ANKRD28: variants seen among roughly 807,000 people sequenced by gnomAD.
ANKRD28 encodes the protein ankyrin repeat domain 28.
Under a neutral mutation model 126.5 loss-of-function variants are expected in ANKRD28, and 44 were observed. The observed-to-expected ratio is 0.35, with a 90% confidence interval of 0.27 to 0.45. The LOEUF (loss-of-function observed/expected upper bound fraction) is 0.45, where lower values mean the gene tolerates loss of function less well. ANKRD28 is among the 20% of genes least tolerant of loss of function. ANKRD28 has a pLI of 1.00. For synonymous variants in ANKRD28, 442 were observed against 468.5 expected (o/e 0.94, Z 0.73); for missense variants, 1,110 against 1,316.6 (o/e 0.84, Z 2.43).
chr3:15,785,151 T>C (rs1375041389), intron 2 of ANKRD28, among the ~76,000 whole-genome samples: 3 of 152,100 alleles, frequency 2.0e-5, no homozygotes, highest in Non-Finnish European at 4.4e-5. Context: ...AAAATCCAGA[T>C]GATCTTGGGT....
rs1018663796 is a variant in ANKRD28 at position 15,859,564 on chromosome 3, G to A, written c.-161C>T. On this transcript the variant is annotated 5_prime_UTR_variant, in exon 1 of 28. Transcript: ENST00000399451. ...AGAAGACCTGCGGGCAGGGGGCGGC[G>A]CCGCCTCCCCGGCCGCCCGCCGCCG... 8.4e-4 allele frequency: 335 copies of A among 400,416 alleles called. 10 individuals are homozygous for A. The highest frequency in any genetic ancestry group is 1.1e-3 in the Non-Finnish European group (298 of 278,918). 24.8% of individuals were successfully genotyped at this position (400,416 alleles called of 1,614,324 possible).
At chr3:15,745,828 C>T (rs1198000039) in intron 4 of ANKRD28, among the ~76,000 whole-genome samples, 1 of 152,106 alleles carries the variant, frequency 6.6e-6, no homozygotes, top group African/African-American at 2.4e-5. Flanking sequence ...ACCATTGATT[C>T]TACCCATCCA....
chr3:15,724,211 C>A (rs934553308), intron 7 of ANKRD28, among the ~76,000 whole-genome samples, 171 bp downstream of exon 7: 2 of 152,068 alleles, frequency 1.3e-5, no homozygotes, highest in Admixed American at 1.3e-4. Flanking sequence ...TATTTACATG[C>A]CTTGATCATA....
At chr3:15,673,323 C>T (rs1447294142) in intron 27 of ANKRD28, among the ~76,000 whole-genome samples, 2 of 152,194 alleles carry the variant, frequency 1.3e-5, no homozygotes, top group Non-Finnish European at 2.9e-5. Context: ...TAGACTATGT[C>T]TTATTTTACA....
upstream of ANKRD28, chr3:15,798,193 G>A: frequency 1.0e-6 from 1 of 984,988 alleles, no homozygotes; most frequent in Non-Finnish European, 1.2e-6. Context: ...AGTGGTTTTA[G>A]CAAGTAAACA....
At chr3:15,712,532 T>C (rs1401027543) in intron 10 of ANKRD28, among the ~76,000 whole-genome samples, 1 of 152,224 alleles carries the variant, frequency 6.6e-6, no homozygotes, top group African/African-American at 2.4e-5. Context: ...ACCCAATGGA[T>C]GTCATTAACA....
rs1272567664 is a variant in ANKRD28, at chr3:15,838,266, G to A, written c.27+21111C>T. 1.3e-5 allele frequency among the ~76,000 whole-genome samples: 2 copies of A among 152,062 alleles called. No individual in the cohort carries two copies. The highest frequency in any genetic ancestry group is 4.8e-5 in the African/African-American group (2 of 41,398). On this transcript the variant is annotated intron_variant, in intron 1 of 27. Transcript: ENST00000399451. This position sits in a 1 kb window ranked among gnomAD's most constrained non-coding sequence, Gnocchi z 4.0. The stretch of plus-strand genomic sequence containing the variant: ...GAAAACACTTTCTAATTCCCTCCAT[G>A]AGGCTAACATTACCTTAATACCAAA...
At chr3:15,709,831 G>C in intron 12 of ANKRD28, 95 bp from the exon 13 acceptor site, 1 of 695,322 alleles carries the variant, frequency 1.4e-6, no homozygotes, top group South Asian at 2.2e-5. Flanking sequence ...GTTTTTATAT[G>C]AAGATAAATG....
chr3:15,719,174 T>A (rs1012214335), intron 8 of ANKRD28, among the ~76,000 whole-genome samples: 1 of 152,204 alleles, frequency 6.6e-6, no homozygotes. Flanking sequence ...ATACATTTTG[T>A]CCTGTAGTTG....
chr3:15,725,266 G>C (rs562950392), intron 6 of ANKRD28, among the ~76,000 whole-genome samples: 2 of 152,314 alleles, frequency 1.3e-5, no homozygotes, highest in East Asian at 3.9e-4. Context: ...AGGAACTTGA[G>C]TATCTTCTGA....
In ANKRD28 at chr3:15,839,033, A is replaced by G. The variant is rs2061380323; in HGVS notation, c.27+20344T>C. ...AAATGATCACGTATCATATGACTCC[A>G]CTTATATAAAATGTCCATAAAAGTT... On this transcript the variant is annotated intron_variant, in intron 1 of 27. Coordinates refer to the ANKRD28 transcript ENST00000399451. This position sits in a 1 kb window ranked among gnomAD's most constrained non-coding sequence, Gnocchi z 4.3. Among the ~76,000 whole-genome samples the G allele has an allele frequency of 6.6e-6, 1 of 152,204 alleles. No individual in the cohort carries two copies. Among genetic ancestry groups the G allele is most frequent in the South Asian group, 2.1e-4 (1 of 4,832 alleles).
intron 1 of ANKRD28, among the ~76,000 whole-genome samples, chr3:15,827,379 A>G (rs1290496614): frequency 6.6e-6 from 1 of 152,186 alleles, no homozygotes; most frequent in Non-Finnish European, 1.5e-5. Flanking sequence ...GTGTCCATCA[A>G]TAAATGAAAA....
chr3:15,769,294 G>T (rs2058889110), intron 2 of ANKRD28, among the ~76,000 whole-genome samples: 1 of 152,080 alleles, frequency 6.6e-6, no homozygotes, highest in South Asian at 2.1e-4. Flanking sequence ...AATACAACTG[G>T]CTAATTTTGA....
chr3:15,756,442 A>G (rs1293163568), intron 3 of ANKRD28: 1 of 943,574 alleles, frequency 1.1e-6, no homozygotes, highest in African/African-American at 1.8e-5. Context: ...ATTCGGAAAT[A>G]AAACATAAAT....
At chr3:15,794,243 T>C (rs1019467184) in intron 2 of ANKRD28, among the ~76,000 whole-genome samples, 3 of 152,080 alleles carry the variant, frequency 2.0e-5, no homozygotes, top group African/African-American at 7.2e-5. Flanking sequence ...ATGATTCAAA[T>C]CTATTCAGAT....
At chr3:15,783,674 A>T (rs2059639332) in intron 2 of ANKRD28, among the ~76,000 whole-genome samples, 1 of 152,048 alleles carries the variant, frequency 6.6e-6, no homozygotes, top group African/African-American at 2.4e-5. Flanking sequence ...AATACTACTC[A>T]GCAACAGAAA....
rs369849931 is a variant in ANKRD28, at chr3:15,690,167, A to C, written c.1815T>G (p.Asp605Glu). The stretch of plus-strand genomic sequence containing the variant: ...TTCCACTACTATTTCTGACATCAAG[A>C]TCTAACAAAGACTGTACCAACACTT... ...ALEVLVQSLL[D>E]LDVRNSSGRT... The change falls in exon 18 of 28, where the codon GAT (aspartate) becomes GAG (glutamate). Residue 605 changes from aspartate to glutamate, a missense_variant. Asp to Glu is a conservative substitution (Grantham distance 45, BLOSUM62 2). Coordinates refer to ENST00000683139, the MANE Select transcript of ANKRD28 (RefSeq NM_001349278.2). 1 of 1,608,998 alleles carries C rather than the reference A, an allele frequency of 6.2e-7. No homozygotes were observed. The highest frequency in any genetic ancestry group is 8.5e-7 in the Non-Finnish European group (1 of 1,177,530).
At chr3:15,700,546 C>T (rs932587275) in intron 14 of ANKRD28, among the ~76,000 whole-genome samples, 32 of 151,952 alleles carry the variant, frequency 2.1e-4, no homozygotes, top group African/African-American at 5.5e-4. Context: ...GAGGCTGAGG[C>T]GGGCAGATCA....
At chr3:15,855,278 T>G (rs2126005782) in intron 1 of ANKRD28, among the ~76,000 whole-genome samples, 1 of 152,218 alleles carries the variant, frequency 6.6e-6, no homozygotes, top group African/African-American at 2.4e-5. Flanking sequence ...AAAATAGTGG[T>G]TAAGTTACTC....
Sources: allele counts gnomAD v4.1 joint callset (sites outside exome capture counted in the v4.1 genomes callset), GRCh38; gene constraint gnomAD v4.1.1; non-coding constraint Gnocchi (gnomAD v3.1); transcripts MANE v1.5; gene names NCBI Gene and HGNC (gene_info 2026-07-23, HGNC 2026-07-21).